Variants in ACTR3 observed in about 807,000 individuals in gnomAD.
The protein encoded by ACTR3 is actin related protein 3.
ACTR3 carries 12 observed loss-of-function variants against 56.8 expected under a neutral mutation model. The observed-to-expected ratio is 0.21, with a 90% CI of 0.14 to 0.34. The LOEUF (loss-of-function observed/expected upper bound fraction) is 0.34. ACTR3 is among the 10% of genes least tolerant of loss of function. The pLI, the probability that ACTR3 is intolerant of heterozygous loss-of-function variation, is 1.00. For synonymous variants in ACTR3, 162 were observed against 167.4 expected (o/e 0.97, Z 0.25); for missense variants, 282 against 512.5 (o/e 0.55, Z 4.34).
In ACTR3 at chr2:113,958,298, A is replaced by G. The variant is rs911724040; in HGVS notation, c.*843A>G. 6.6e-6 allele frequency: 1 copy of G among 152,562 alleles called. No homozygotes were observed. The highest frequency in any genetic ancestry group is 2.4e-5 in the African/African-American group (1 of 41,450). The allele number at this position is 152,562 out of a possible 1,614,324, so 9.5% of individuals were successfully genotyped here. On this transcript the variant is annotated 3_prime_UTR_variant, in exon 12 of 12. Coordinates refer to ENST00000263238, the MANE Select transcript of ACTR3 (RefSeq NM_005721.5). The stretch of plus-strand genomic sequence containing the variant: ...CTTTAATCTCTTTATAAGTTAACTA[A>G]TAAATCTATTTTCTTCAGACTTCTG...
At chr2:113,931,206 A>G (rs1239416685) in intron 4 of ACTR3, 95 bp from the exon 5 acceptor site, 4 of 678,136 alleles carry the variant, frequency 5.9e-6, no homozygotes, top group African/African-American at 5.7e-5. Flanking sequence ...TTTAAATAAA[A>G]TGTTTGAAAT....
intron 1 of ACTR3, among the ~76,000 whole-genome samples, chr2:113,901,606 T>G (rs1202706107): frequency 6.6e-6 from 1 of 152,240 alleles, no homozygotes; most frequent in South Asian, 2.1e-4. Flanking sequence ...ATTTGAACTT[T>G]AGTGGTTGTC....
At chr2:113,933,994 A>G (rs1027912962) in intron 5 of ACTR3, 3 of 332,528 alleles carry the variant, frequency 9.0e-6, no homozygotes, top group African/African-American at 4.5e-5. Flanking sequence ...AATCTTCCAC[A>G]TTTTTAGCTT....
At chr2:113,900,229 AATT>A (rs964930535) in intron 1 of ACTR3, among the ~76,000 whole-genome samples, 16 of 152,058 alleles carry the variant, frequency 1.1e-4, no homozygotes, top group Non-Finnish European at 2.1e-4. Context: ...GAATCCAATC[AATT>A]TTAGAACATT....
At chr2:113,939,070 C>T (rs1679878765) in intron 6 of ACTR3, among the ~76,000 whole-genome samples, 1 of 151,570 alleles carries the variant, frequency 6.6e-6, no homozygotes, top group Admixed American at 6.6e-5. Context: ...GTCGCCCAGG[C>T]TGGAGTGCAG....
At chr2:113,932,366 T>G (rs548381553) in intron 5 of ACTR3, among the ~76,000 whole-genome samples, 1 of 152,292 alleles carries the variant, frequency 6.6e-6, no homozygotes, top group South Asian at 2.1e-4. Flanking sequence ...GTTGGGAAAA[T>G]TCATCTTTCA....
At chr2:113,935,304 A>C (rs1679807043) in intron 6 of ACTR3, among the ~76,000 whole-genome samples, 1 of 152,222 alleles carries the variant, frequency 6.6e-6, no homozygotes, top group Non-Finnish European at 1.5e-5. Context: ...CCACAATTTT[A>C]GAACATTTTC....
intron 8 of ACTR3, among the ~76,000 whole-genome samples, chr2:113,948,435 C>T (rs1295640881): frequency 6.6e-6 from 1 of 152,202 alleles, no homozygotes; most frequent in Non-Finnish European, 1.5e-5. Flanking sequence ...TAGGAATGAG[C>T]CACTGTGCCC....
chr2:113,923,441 T>G (rs1037403625), intron 3 of ACTR3, among the ~76,000 whole-genome samples: 1 of 152,068 alleles, frequency 6.6e-6, no homozygotes, highest in African/African-American at 2.4e-5. Flanking sequence ...GTTCATGCCA[T>G]TCTCCTGCCT....
chr2:113,927,666 T>C (rs1221474413), intron 4 of ACTR3, among the ~76,000 whole-genome samples: 3 of 152,158 alleles, frequency 2.0e-5, no homozygotes. Context: ...ACTTAAGAAG[T>C]GCTTTTGGTA....
Position 113,927,470 on chromosome 2 carries a change from A to G in ACTR3, c.336+15A>G. 1.3e-6 allele frequency: 2 copies of G among 1,543,950 alleles called. No individual in the cohort carries two copies. The highest frequency in any genetic ancestry group is 8.8e-7 in the Non-Finnish European group (1 of 1,134,940). On this transcript the variant is annotated intron_variant, in intron 4 of 11. Transcript: ENST00000263238. ...ATTTTCTTTTGGTAAGTTACAAGTT[A>G]TAATTTCACTGAGGAAATTTTTGAA...
intron 1 of ACTR3, among the ~76,000 whole-genome samples, chr2:113,909,642 T>A (rs572083550): frequency 8.3e-4 from 121 of 145,990 alleles, no homozygotes; most frequent in African/African-American, 3.0e-3. Flanking sequence ...TTTGGGAGGG[T>A]GCAGTGTGAG....
intron 1 of ACTR3, chr2:113,890,919 C>T: frequency 2.7e-6 from 1 of 370,752 alleles, no homozygotes; most frequent in Non-Finnish European, 3.7e-6. Flanking sequence ...CTGGTCATTT[C>T]CATCTCCCTC....
intron 1 of ACTR3, among the ~76,000 whole-genome samples, chr2:113,892,859 C>T (rs1276977239): frequency 3.3e-5 from 5 of 152,048 alleles, no homozygotes; most frequent in Non-Finnish European, 1.5e-5. Context: ...AAAACTTGAT[C>T]GTCTTAGATA....
At chr2:113,957,250 A>G in intron 11 of ACTR3, 110 bp from the exon 12 acceptor site, 1 of 731,352 alleles carries the variant, frequency 1.4e-6, no homozygotes, top group South Asian at 1.9e-5. Context: ...AATAATAAAC[A>G]TTTTAGACTT....
At chr2:113,913,453 GA>G (rs905676368) in intron 2 of ACTR3, among the ~76,000 whole-genome samples, 1 of 151,822 alleles carries the variant, frequency 6.6e-6, no homozygotes, top group South Asian at 2.1e-4. Context: ...TCTTTTTAAA[GA>G]AAAAAAGAAA....
intron 8 of ACTR3, among the ~76,000 whole-genome samples, chr2:113,943,083 A>C (rs1280863557): frequency 6.6e-6 from 1 of 152,190 alleles, no homozygotes; most frequent in Non-Finnish European, 1.5e-5. Flanking sequence ...GCTCTTACTG[A>C]GCTCAAAGAA....
At chr2:113,946,314 G>A (rs1680019364) in intron 8 of ACTR3, among the ~76,000 whole-genome samples, 1 of 150,202 alleles carries the variant, frequency 6.7e-6, no homozygotes, top group Non-Finnish European at 1.5e-5. Context: ...TTTTTAAATT[G>A]TATTTATTTT....
intron 2 of ACTR3, among the ~76,000 whole-genome samples, chr2:113,914,465 G>A (rs939374875): frequency 1.3e-5 from 2 of 151,920 alleles, no homozygotes; most frequent in African/African-American, 2.4e-5. Context: ...ACAAAAATTA[G>A]CCAGGCATGG....
Sources: allele counts gnomAD v4.1 joint callset (sites outside exome capture counted in the v4.1 genomes callset), GRCh38; gene constraint gnomAD v4.1.1; transcripts MANE v1.5; gene names NCBI Gene and HGNC (gene_info 2026-07-23, HGNC 2026-07-21).